The following LUM variants were observed in gnomAD, a reference collection of about 807,000 sequenced individuals.
The protein encoded by LUM is KSPG lumican.
A neutral mutation model predicts 20.5 loss-of-function variants in LUM; 13 were observed. The observed-to-expected ratio is 0.63, with a 90% CI of 0.41 to 1.01. The LOEUF (loss-of-function observed/expected upper bound fraction) is 1.01. Ranked by LOEUF, LUM falls within the 50% of genes least tolerant of loss-of-function variation. The pLI, the probability that LUM is intolerant of heterozygous loss-of-function variation, is 0.00. For synonymous variants in LUM, 173 were observed against 151.5 expected, an observed-to-expected ratio of 1.14 and a Z score of -1.04; for missense variants, 321 against 391.1, an observed-to-expected ratio of 0.82 and a Z score of 1.51.
intron 2 of LUM, among the ~76,000 whole-genome samples, chr12:91,107,287 G>GAAAGAAAGAAAGAGAA (rs1426004605): frequency 3.3e-5 from 2 of 61,338 alleles, no homozygotes; most frequent in African/African-American, 1.5e-4. Context: ...AAGAAAGAAA[G>GAAAGAAAGAAAGAGAA]AGAAAGAAAG....
chr12:91,110,275 G>A (rs111235537), intron 1 of LUM, among the ~76,000 whole-genome samples: 58 of 152,290 alleles, frequency 3.8e-4, no homozygotes, highest in African/African-American at 1.4e-3. Context: ...GATCAAAGTA[G>A]TTTGGGATAA....
In LUM at chr12:91,103,857, A is replaced by C. The variant is rs764710451; in HGVS notation, c.*308T>G. 2.2e-5 allele frequency: 5 copies of C among 232,228 alleles called. No individual in the cohort carries two copies. Among genetic ancestry groups the C allele is most frequent in the Non-Finnish European group, 4.2e-5 (5 of 118,136 alleles). 14.4% of individuals were successfully genotyped at this position (232,228 alleles called of 1,614,324 possible). A position where few individuals can be genotyped will look rare whatever the true frequency, so the allele number is the denominator to read the frequency against. ...CTTTGAGGAACATTAAGATTTAAGG[A>C]TTATAAAACTTGGCTGATTTCCATG... On this transcript the variant is annotated 3_prime_UTR_variant, in exon 3 of 3. Coordinates refer to ENST00000266718, the MANE Select transcript of LUM (RefSeq NM_002345.4).
intron 2 of LUM, among the ~76,000 whole-genome samples, chr12:91,107,243 GA>G (rs1238511552): frequency 2.4e-3 from 70 of 28,728 alleles, no homozygotes; most frequent in East Asian, 9.5e-3. Flanking sequence ...AGAAAGGAAA[GA>G]AAGAAAGAAA....
intron 2 of LUM, among the ~76,000 whole-genome samples, chr12:91,105,725 G>C (rs1880015521): frequency 6.6e-6 from 1 of 152,170 alleles, no homozygotes; most frequent in South Asian, 2.1e-4. Flanking sequence ...GGGCACTGTG[G>C]TTTCTATCTC....
At chr12:91,106,999 C>G (rs1880049098) in intron 2 of LUM, among the ~76,000 whole-genome samples, 1 of 151,442 alleles carries the variant, frequency 6.6e-6, no homozygotes, top group African/African-American at 2.4e-5. Context: ...TGGTGAAACC[C>G]CATCTCTACT....
intron 1 of LUM, among the ~76,000 whole-genome samples, chr12:91,109,558 T>G (rs1483761448): frequency 6.6e-6 from 1 of 152,168 alleles, no homozygotes; most frequent in Non-Finnish European, 1.5e-5. Context: ...GAGAACAGAA[T>G]TCTTGGTGCT....
Position 91,108,682 on chromosome 12 carries a change from T to A in LUM, c.298A>T (p.Asn100Tyr). The A allele has an allele frequency of 6.2e-7, 1 of 1,613,854 alleles. No individual in the cohort carries two copies. The highest frequency in any genetic ancestry group is 2.2e-5 in the East Asian group (1 of 44,870). Residue 100 changes from asparagine (N) to tyrosine (Y), a missense_variant, in exon 2 of 3, where the codon AAC becomes TAC. Physicochemically the swap from Asn to Tyr is moderately radical, Grantham distance 143. Coordinates refer to ENST00000266718, the MANE Select transcript of LUM (RefSeq NM_002345.4). This position sits in a 1 kb window ranked among gnomAD's most constrained non-coding sequence, Gnocchi z 4.2. ...TTTATCTTGGAGTTTTCTAGAAGGTTGTGATCTAGAATGAGCCACTGCAGA... is the reference window on the plus strand; with the variant it reads ...TTTATCTTGGAGTTTTCTAGAAGGTAGTGATCTAGAATGAGCCACTGCAGA... ...TDLQWLILDH[N>Y]LLENSKIKGR...
intron 2 of LUM, among the ~76,000 whole-genome samples, chr12:91,106,004 G>A (rs1020510099): frequency 1.3e-5 from 2 of 152,116 alleles, no homozygotes; most frequent in African/African-American, 4.8e-5. Flanking sequence ...ATCACATATG[G>A]CCACATAGTG....
chr12:91,107,346 G>GAAAGAAAGA (rs1880102170), intron 2 of LUM, among the ~76,000 whole-genome samples: 1 of 133,186 alleles, frequency 7.5e-6, no homozygotes, highest in Admixed American at 7.4e-5. Context: ...AGAAAGAAAG[G>GAAAGAAAGA]GAAAGAAAGG....
At position 91,107,984 on chromosome 12, in the gene LUM, T is replaced by C. The variant is rs3782579; in HGVS notation, c.862+134A>G. ...CACTTCGGCCTCCCAAAATGCTGGA[T>C]TTACAGGAATGAGCCACAGCGCCCG... On this transcript the variant is annotated intron_variant, in intron 2 of 2. Coordinates refer to ENST00000266718, the MANE Select transcript of LUM (RefSeq NM_002345.4). 0.035 allele frequency: 36,002 copies of C among 1,026,280 alleles called. 1,815 individuals carry two copies. The highest frequency in any genetic ancestry group is 0.23 in the East Asian group (9,647 of 41,510). The allele number at this position is 1,026,280 out of a possible 1,614,324, so 63.6% of individuals were successfully genotyped here.
chr12:91,105,320 G>A (rs1880006183), intron 2 of LUM, among the ~76,000 whole-genome samples: 2 of 152,126 alleles, frequency 1.3e-5, no homozygotes, highest in South Asian at 4.1e-4. Flanking sequence ...TTACCGTGTT[G>A]CATGAAGATT....
chr12:91,109,413 T>G (rs565703938), intron 1 of LUM, among the ~76,000 whole-genome samples: 15 of 152,184 alleles, frequency 9.9e-5, no homozygotes, highest in Non-Finnish European at 1.9e-4. Flanking sequence ...TACCCTACCA[T>G]TCGACATCAT....
chr12:91,106,690 T>TAA (rs374164456), intron 2 of LUM, among the ~76,000 whole-genome samples: 2,648 of 90,582 alleles, frequency 0.029, 101 homozygotes, highest in Admixed American at 0.074. Flanking sequence ...ATTTTTCTTC[T>TAA]AAAAAAAAAA....
At position 91,108,680 on chromosome 12, in the gene LUM, G is replaced by A. The variant is rs141944101; in HGVS notation, c.300C>T (p.Asn100=). 3.1e-3 allele frequency: 5,073 copies of A among 1,613,714 alleles called. 13 individuals are homozygous for A. The highest frequency in any genetic ancestry group is 4.0e-3 in the Non-Finnish European group (4,704 of 1,179,712). Residue 100 remains asparagine, a synonymous_variant, in exon 2 of 3, where the codon AAC becomes AAT. Transcript: ENST00000266718. This position sits in a 1 kb window ranked among gnomAD's most constrained non-coding sequence, Gnocchi z 4.2. ...CTTTTATCTTGGAGTTTTCTAGAAG[G>A]TTGTGATCTAGAATGAGCCACTGCA... is the stretch of plus-strand genomic sequence containing the variant. ...TDLQWLILDH[N]LLENSKIKGR...
At chr12:91,109,100 G>A (rs1253121276) in intron 1 of LUM, 100 bp from the exon 2 acceptor site, 2 of 901,822 alleles carry the variant, frequency 2.2e-6, no homozygotes, top group African/African-American at 1.7e-5. Flanking sequence ...TGTGCATTTT[G>A]TTATTTTATA....
chr12:91,109,226 G>A (rs1194939048), intron 1 of LUM, among the ~76,000 whole-genome samples: 6 of 149,738 alleles, frequency 4.0e-5, no homozygotes, highest in Non-Finnish European at 7.4e-5. Context: ...GTACACGTGC[G>A]CCCCCTTCTG....
Position 91,108,845 on chromosome 12 carries a change from T to C in LUM, c.135A>G (p.Glu45=). 6.2e-7 allele frequency: 1 copy of C among 1,614,042 alleles called. No homozygotes were observed. The highest frequency in any genetic ancestry group is 8.5e-7 in the Non-Finnish European group (1 of 1,179,990). The stretch of plus-strand genomic sequence containing the variant: ...CACAGTACATGGCACTTGGGTAGCT[T>C]TCAGGGCAGTTACATTCTGGTGCAC... ...PNCAPECNCP[E]SYPSAMYCDE... is the part of the protein sequence containing the mutation. Residue 45 remains glutamate, a synonymous_variant, in exon 2 of 3, where the codon GAA becomes GAG. Coordinates refer to ENST00000266718, the MANE Select transcript of LUM (RefSeq NM_002345.4). The surrounding 1 kb of genome is among the most constrained non-coding windows in gnomAD (Gnocchi z 4.2).
intron 2 of LUM, among the ~76,000 whole-genome samples, chr12:91,106,556 A>G (rs1880035390): frequency 6.6e-6 from 1 of 152,018 alleles, no homozygotes; most frequent in African/African-American, 2.4e-5. Flanking sequence ...TAAGCAGTCC[A>G]AATGCATCAG....
rs1170552205 is a variant in LUM, at chr12:91,108,028, T to C, written c.862+90A>G. On this transcript the variant is annotated intron_variant, in intron 2 of 2. Coordinates refer to ENST00000266718, the MANE Select transcript of LUM (RefSeq NM_002345.4). The surrounding 1 kb of genome is among the most constrained non-coding windows in gnomAD (Gnocchi z 4.2). ...GCGCCCGGGCGACATTTTGTTTTTT[T>C]AATGGAGCCAGATGCAATATCTGTG... is the stretch of plus-strand genomic sequence containing the variant. 3.4e-6 allele frequency: 5 copies of C among 1,459,544 alleles called. No homozygotes were observed. The highest frequency in any genetic ancestry group is 4.8e-6 in the Non-Finnish European group (5 of 1,041,520). The allele number at this position is 1,459,544 out of a possible 1,614,324, so 90.4% of individuals were successfully genotyped here.
Sources: gnomAD v4.1 joint callset for allele counts (sites outside exome capture counted in the v4.1 genomes callset) on GRCh38, gnomAD v4.1.1 for gene constraint, Gnocchi (gnomAD v3.1) non-coding constraint, MANE v1.5 for transcripts, NCBI Gene and HGNC (gene_info 2026-07-23, HGNC 2026-07-21) for gene names.